PHF6: variants seen among roughly 807,000 people sequenced by gnomAD.
The protein encoded by PHF6 is PHD finger protein 6.
Under a neutral mutation model 34.0 loss-of-function variants are expected in PHF6, and 7 were observed. The observed-to-expected ratio is 0.21, with a 90% CI of 0.12 to 0.39. PHF6 has a LOEUF of 0.39. PHF6 is among the 10% of genes least tolerant of loss of function. The probability of loss-of-function intolerance (pLI) is 1.00; values close to 1 mark genes in which losing one functional copy is unlikely to be tolerated. For synonymous variants in PHF6, 89 were observed against 88.4 expected, an observed-to-expected ratio of 1.01 and a Z score of -0.04; for missense variants, 128 against 262.8, an observed-to-expected ratio of 0.49 and a Z score of 3.55.
At chrX:134,410,438 C>T (rs1026281446) in intron 5 of PHF6, among the ~76,000 whole-genome samples, 6 of 110,949 alleles carry the variant, frequency 5.4e-5, no homozygotes, top group African/African-American at 2.0e-4. Context: ...ACTTAATTTG[C>T]ACTTTGATGC....
chrX:134,399,852 T>C (rs1463212506), intron 5 of PHF6, among the ~76,000 whole-genome samples: 1 of 111,266 alleles, frequency 9.0e-6, no homozygotes, highest in Non-Finnish European at 1.9e-5. Context: ...TTTTGACATG[T>C]GTATAATGAC....
chrX:134,417,593 C>T, intron 9 of PHF6: 1 of 220,216 alleles, frequency 4.5e-6, no homozygotes, highest in Non-Finnish European at 8.3e-6. Context: ...GGTGCGGTGG[C>T]TCACATCTGT....
chrX:134,407,165 G>T (rs999919517), intron 5 of PHF6, among the ~76,000 whole-genome samples: 2 of 112,215 alleles, frequency 1.8e-5, no homozygotes, highest in Non-Finnish European at 3.8e-5. Context: ...GTAAAACAGG[G>T]TGGTGGTGGG....
intron 3 of PHF6, among the ~76,000 whole-genome samples, chrX:134,388,556 G>A (rs1445526955): frequency 9.0e-6 from 1 of 111,274 alleles, no homozygotes; most frequent in African/African-American, 3.3e-5. Context: ...TCTATACACT[G>A]ATAGTCAGTT....
In PHF6 at chrX:134,404,015, C is replaced by A. The variant is rs146625249; in HGVS notation, c.419-9476C>A. 1.9e-4 allele frequency among the ~76,000 whole-genome samples: 21 copies of A among 112,292 alleles called. No homozygotes were observed. In the East Asian group the frequency reaches 5.6e-3, roughly 30 times the overall value. On this transcript the variant is annotated intron_variant, in intron 5 of 10. Transcript: ENST00000370803. ...GTTGTCTTCATGCATGCTAGTACAG[C>A]ATTCATTCCGCAGTTCTTAGAGCCC...
At position 134,426,018 on chromosome X, in the gene PHF6, CAAAGG is replaced by C. The variant is rs1473892020; in HGVS notation, c.*363_*367del. 9 of 162,945 alleles carry C rather than the reference CAAAGG, an allele frequency of 5.5e-5. No homozygotes were observed. The highest frequency in any genetic ancestry group is 2.4e-4 in the Admixed American group (3 of 12,306). 13.4% of individuals were successfully genotyped at this position (162,945 alleles called of 1,213,427 possible). A position where few individuals can be genotyped will look rare whatever the true frequency, so the allele number is the denominator to read the frequency against. ...TAAGTTTGTTTAGTGGATCCATACT[CAAAGG>C]AAAGCATAAGCAAATTTTCCTTTAC... On this transcript the variant is annotated 3_prime_UTR_variant, in exon 11 of 11. Transcript: ENST00000370803.
At position 134,373,345 on chromosome X, in the gene PHF6, GA is replaced by G. The variant is rs2077265136; in HGVS notation, c.-166del. 1 of 112,876 alleles carries G rather than the reference GA, an allele frequency of 8.9e-6. No homozygotes were observed. Among genetic ancestry groups the G allele is most frequent in the African/African-American group, 3.2e-5 (1 of 31,068 alleles). The allele number at this position is 112,876 out of a possible 1,213,427, so 9.3% of individuals were successfully genotyped here. On this transcript the variant is annotated 5_prime_UTR_variant, in exon 1 of 11. An upstream open reading frame in the 5' UTR loses its in-frame stop. Transcript: ENST00000370803. Reference sequence around the variant, plus strand: ...TCCGCGAGCCCGTCTCTCCTCGAATGAAAGGAAACAACCTCCGGCGACAGAG... The same window carrying G: ...TCCGCGAGCCCGTCTCTCCTCGAATGAAGGAAACAACCTCCGGCGACAGAG...
intron 5 of PHF6, among the ~76,000 whole-genome samples, chrX:134,408,377 C>A (rs778711499): frequency 2.7e-5 from 3 of 112,024 alleles, no homozygotes; most frequent in Non-Finnish European, 5.6e-5. Flanking sequence ...GTTGCCAAGT[C>A]AAAGGGTCTA....
intron 5 of PHF6, among the ~76,000 whole-genome samples, chrX:134,401,375 T>C (rs904612940): frequency 8.9e-6 from 1 of 111,966 alleles, no homozygotes; most frequent in Non-Finnish European, 1.9e-5. Context: ...GGTTAACTTA[T>C]TCACAAGGCA....
At chrX:134,413,742 T>G (rs1042324523) in intron 6 of PHF6, 81 bp from the exon 7 acceptor site, 194 of 1,193,155 alleles carry the variant, frequency 1.6e-4, no homozygotes, top group Non-Finnish European at 5.7e-5. Flanking sequence ...GTTCATCATT[T>G]GAAATGTTAA....
intron 3 of PHF6, among the ~76,000 whole-genome samples, chrX:134,390,966 C>CTTTTTTTTTTTTTTTTTTTTTTTTT: frequency 1.1e-5 from 1 of 92,824 alleles, no homozygotes; most frequent in Non-Finnish European, 2.1e-5. Flanking sequence ...TTCTTTTTTT[C>CTTTTTTTTTTTTTTTTTTTTTTTTT]TTTTTTTTTT....
intron 1 of PHF6, among the ~76,000 whole-genome samples, chrX:134,373,827 G>T (rs1290598963): frequency 9.3e-6 from 1 of 107,025 alleles, no homozygotes; most frequent in Non-Finnish European, 1.9e-5. Flanking sequence ...GAATTGTTAG[G>T]ATGGCAAGAG....
intron 5 of PHF6, among the ~76,000 whole-genome samples, chrX:134,400,827 A>G (rs2077399986): frequency 9.0e-6 from 1 of 111,720 alleles, no homozygotes; most frequent in Non-Finnish European, 1.9e-5. Flanking sequence ...CTGTATGTGC[A>G]TAGAGAAAGT....
Position 134,373,938 on chromosome X carries a change from A to T in PHF6, c.-47+471A>T, listed in dbSNP as rs146440227. ...TACAACGAAGACTGTGAGAGGGCTA[A>T]CTCTTGGGGGAGGGGGCATAAAGAA... On this transcript the variant is annotated intron_variant, in intron 1 of 10. Coordinates refer to ENST00000370803, the MANE Select transcript of PHF6 (RefSeq NM_001015877.2). 7.1e-3 allele frequency among the ~76,000 whole-genome samples: 653 copies of T among 92,454 alleles called. 5 individuals are homozygous for T. Among genetic ancestry groups the T allele is most frequent in the African/African-American group, 0.026 (621 of 24,273 alleles). 80.3% of individuals were successfully genotyped at this position (92,454 alleles called of 115,157 possible). A position where few individuals can be genotyped will look rare whatever the true frequency, so the allele number is the denominator to read the frequency against.
At chrX:134,394,148 T>TC (rs1238588011) in intron 5 of PHF6, among the ~76,000 whole-genome samples, 196 bp downstream of exon 5, 1 of 110,584 alleles carries the variant, frequency 9.0e-6, no homozygotes, top group Non-Finnish European at 1.9e-5. Flanking sequence ...TTTTTTTTTT[T>TC]CCTGAAACGA....
chrX:134,385,349 C>T (rs891594542), intron 3 of PHF6, among the ~76,000 whole-genome samples: 3 of 111,922 alleles, frequency 2.7e-5, no homozygotes, highest in African/African-American at 9.7e-5. Flanking sequence ...ACACAATATG[C>T]GTTGTATTTG....
At chrX:134,402,570 A>T (rs1434845233) in intron 5 of PHF6, among the ~76,000 whole-genome samples, 1 of 111,809 alleles carries the variant, frequency 8.9e-6, no homozygotes. Flanking sequence ...GGATTTTTTT[A>T]AAAACCTACC....
chrX:134,412,954 T>C (rs908012404), intron 5 of PHF6, among the ~76,000 whole-genome samples: 1 of 112,129 alleles, frequency 8.9e-6, no homozygotes, highest in Non-Finnish European at 1.9e-5. Context: ...ACCAGTGTTA[T>C]CCAGTAGAAC....
At chrX:134,388,432 C>A (rs964682991) in intron 3 of PHF6, among the ~76,000 whole-genome samples, 1 of 111,492 alleles carries the variant, frequency 9.0e-6, no homozygotes, top group Non-Finnish European at 1.9e-5. Context: ...TGCCTACAGG[C>A]TCAAGAACGT....
Sources: gnomAD v4.1 joint callset for allele counts (sites outside exome capture counted in the v4.1 genomes callset) on GRCh38, gnomAD v4.1.1 for gene constraint, MANE v1.5 for transcripts, NCBI Gene and HGNC (gene_info 2026-07-23, HGNC 2026-07-21) for gene names.